The following TTLL5 variants were observed in gnomAD, a reference collection of about 807,000 sequenced individuals.
The protein encoded by TTLL5 is tubulin tyrosine ligase like 5.
Under a neutral mutation model 168.4 loss-of-function variants are expected in TTLL5, and 132 were observed. The observed-to-expected ratio is 0.78, with a 90% CI of 0.68 to 0.91. The LOEUF is 0.91. Ranked by LOEUF, TTLL5 falls within the 40% of genes least tolerant of loss-of-function variation. TTLL5 has a pLI of 0.00. For missense variants in TTLL5, 1,545 were observed against 1,581.5 expected (o/e 0.98, Z 0.39); for synonymous variants, 546 against 558.6 (o/e 0.98, Z 0.32).
At chr14:75,768,155 A>T (rs1891072925) in intron 20 of TTLL5, among the ~76,000 whole-genome samples, 1 of 152,200 alleles carries the variant, frequency 6.6e-6, no homozygotes, top group Non-Finnish European at 1.5e-5. Context: ...CAAGGATAAA[A>T]AAAGAATTGA....
At chr14:75,748,582 C>T (rs1455339502) in intron 17 of TTLL5, among the ~76,000 whole-genome samples, 1 of 152,160 alleles carries the variant, frequency 6.6e-6, no homozygotes, top group Non-Finnish European at 1.5e-5. Context: ...TGGCCTGGTG[C>T]CACTCATTTC....
intron 22 of TTLL5, 40 bp downstream of exon 22, chr14:75,775,670 TA>T: frequency 6.2e-7 from 1 of 1,610,152 alleles, no homozygotes; most frequent in Non-Finnish European, 8.5e-7. Flanking sequence ...TGGATTGCCA[TA>T]CACTGTCAGA....
At chr14:75,936,687 T>G (rs894190416) in intron 31 of TTLL5, among the ~76,000 whole-genome samples, 1 of 152,174 alleles carries the variant, frequency 6.6e-6, no homozygotes, top group Admixed American at 6.5e-5. Flanking sequence ...AGACCACCTC[T>G]TGAAGTAATT....
At chr14:75,667,097 ACT>A (rs543224271) in intron 2 of TTLL5, among the ~76,000 whole-genome samples, 65 of 150,404 alleles carry the variant, frequency 4.3e-4, no homozygotes, top group African/African-American at 1.4e-3. Flanking sequence ...CTTACTGTTT[ACT>A]CTCTCTTTTA....
chr14:75,868,713 A>C (rs2030744614), intron 29 of TTLL5, among the ~76,000 whole-genome samples: 1 of 152,042 alleles, frequency 6.6e-6, no homozygotes, highest in South Asian at 2.1e-4. Context: ...ATGTCTTGTT[A>C]TTTTGCTCCT....
rs1472419389 is a variant in TTLL5 at position 75,820,000 on chromosome 14, T to C, written c.3172-7T>C. Reference sequence around the variant, plus strand: ...AAGTCAGGTTATTTCCCTCGCTTTATTTCTAGGTAACAAACCTGAATTTGG... The same window carrying C: ...AAGTCAGGTTATTTCCCTCGCTTTACTTCTAGGTAACAAACCTGAATTTGG... On this transcript the variant is annotated splice_polypyrimidine_tract_variant and splice_region_variant and intron_variant, in intron 27 of 31. Coordinates refer to ENST00000298832, the MANE Select transcript of TTLL5 (RefSeq NM_015072.5). The C allele has an allele frequency of 6.3e-7, 1 of 1,592,300 alleles. No homozygotes were observed. The highest frequency in any genetic ancestry group is 1.4e-5 in the African/African-American group (1 of 73,670).
chr14:75,801,759 A>C (rs1465463041), intron 27 of TTLL5, among the ~76,000 whole-genome samples: 1 of 152,336 alleles, frequency 6.6e-6, no homozygotes, highest in South Asian at 2.1e-4. Context: ...ATAATGGTTT[A>C]GTATAGATTC....
intron 31 of TTLL5, 150 bp downstream of exon 31, chr14:75,902,374 G>A (rs924428512): frequency 2.4e-6 from 2 of 824,684 alleles, no homozygotes; most frequent in Non-Finnish European, 3.9e-6. Context: ...CATTTTTGTT[G>A]CATTCTTCTT....
chr14:75,794,464 A>AG (rs1892891589), intron 27 of TTLL5, among the ~76,000 whole-genome samples: 1 of 151,264 alleles, frequency 6.6e-6, no homozygotes, highest in Admixed American at 6.6e-5. Flanking sequence ...AAAAAAAAAA[A>AG]TACCCAAAAT....
chr14:75,778,679 C>T (rs8004822), intron 23 of TTLL5, among the ~76,000 whole-genome samples: 96,044 of 151,992 alleles, frequency 0.63, 33,134 homozygotes, highest in Admixed American at 0.75. Context: ...TTTCCTAGAA[C>T]GTAGCCAAGC....
At position 75,699,253 on chromosome 14, in the gene TTLL5, G is replaced by A. The variant is rs374783896; in HGVS notation, c.568G>A (p.Val190Ile). The part of the protein sequence containing the change: ...KPVASSRGRG[V>I]YLINNPNQIS... Reference sequence around the variant, plus strand: ...AGTGGCATCTTCAAGGGGGCGGGGCGTCTACCTGATCAACAATGTAAGTAT... The same window carrying A: ...AGTGGCATCTTCAAGGGGGCGGGGCATCTACCTGATCAACAATGTAAGTAT... The change falls in exon 7 of 32, where the codon GTC (valine) becomes ATC (isoleucine). Residue 190 changes from valine (V) to isoleucine (I), a missense_variant. By Grantham distance (29) the Val-to-Ile change is conservative. Transcript: ENST00000298832. 4.8e-5 allele frequency: 77 copies of A among 1,613,878 alleles called. No individual in the cohort carries two copies. The Middle Eastern group carries it at 9.9e-4, about 21-fold the overall frequency.
At chr14:75,736,469 A>C (rs1047775002) in intron 15 of TTLL5, among the ~76,000 whole-genome samples, 10 of 152,222 alleles carry the variant, frequency 6.6e-5, no homozygotes, top group African/African-American at 2.4e-4. Context: ...GAGTAAATAG[A>C]GGCAGGCATA....
chr14:75,951,751 G>A (rs773484656), intron 31 of TTLL5, among the ~76,000 whole-genome samples: 3 of 152,162 alleles, frequency 2.0e-5, no homozygotes, highest in Admixed American at 6.5e-5. Flanking sequence ...GCGACAGAGC[G>A]AAACCCTGTC....
chr14:75,758,704 A>G (rs1890437825), intron 18 of TTLL5, among the ~76,000 whole-genome samples: 1 of 152,186 alleles, frequency 6.6e-6, no homozygotes, highest in African/African-American at 2.4e-5. Flanking sequence ...GATACAGAGT[A>G]TGTTCTTTGG....
chr14:75,834,697 T>A (rs1451656435), intron 28 of TTLL5, among the ~76,000 whole-genome samples: 2 of 152,190 alleles, frequency 1.3e-5, no homozygotes, highest in Non-Finnish European at 2.9e-5. Context: ...AGAACTTTTT[T>A]ATTCTGTAGA....
At chr14:75,714,940 A>G (rs930123396) in intron 9 of TTLL5, among the ~76,000 whole-genome samples, 4 of 152,216 alleles carry the variant, frequency 2.6e-5, no homozygotes, top group African/African-American at 9.6e-5. Flanking sequence ...GTATTTCTAT[A>G]TCTGTCTCTA....
Position 75,719,804 on chromosome 14 carries a change from A to G in TTLL5, c.912A>G (p.Lys304=), listed in dbSNP as rs915761174. Residue 304 remains lysine (K), a synonymous_variant, in exon 11 of 32, where the codon AAA becomes AAG. Coordinates refer to ENST00000298832, the MANE Select transcript of TTLL5 (RefSeq NM_015072.5). ...TGAGTGCTATGCTTAGGTACCTGAA[A>G]CAAGAAGGCAGAGATACAACCGGTG... ...WSMSAMLRYL[K]QEGRDTTALM... The G allele has an allele frequency of 1.9e-6, 3 of 1,613,796 alleles. No homozygotes were observed. Among genetic ancestry groups the G allele is most frequent in the Non-Finnish European group, 1.7e-6 (2 of 1,179,908 alleles).
At chr14:75,786,096 T>C (rs982791991) in intron 26 of TTLL5, among the ~76,000 whole-genome samples, 2 of 152,204 alleles carry the variant, frequency 1.3e-5, no homozygotes, top group Non-Finnish European at 1.5e-5. Context: ...AATATGCAGC[T>C]TGAGTCAGAG....
At chr14:75,824,762 A>G (rs1185719772) in intron 28 of TTLL5, among the ~76,000 whole-genome samples, 1 of 151,450 alleles carries the variant, frequency 6.6e-6, no homozygotes, top group Non-Finnish European at 1.5e-5. Flanking sequence ...AAGAGTATGT[A>G]AGGATTTAAG....
Sources: gnomAD v4.1 joint callset for allele counts (sites outside exome capture counted in the v4.1 genomes callset) on GRCh38, gnomAD v4.1.1 for gene constraint, MANE v1.5 for transcripts, NCBI Gene and HGNC (gene_info 2026-07-23, HGNC 2026-07-21) for gene names.